The following NRXN1 variants were observed in gnomAD, a reference collection of about 807,000 sequenced individuals.
The protein encoded by NRXN1 is neurexin 1.
In NRXN1, 39 loss-of-function variants were observed where a neutral mutation model predicts 150.9. The ratio of observed to expected loss-of-function variants is 0.26; its 90% confidence interval spans 0.20 to 0.34. The LOEUF is 0.34. Ranked by LOEUF, NRXN1 falls within the 10% of genes least tolerant of loss-of-function variation. The pLI is 1.00. For missense variants in NRXN1, 1,815 were observed against 1,949.9 expected, an observed-to-expected ratio of 0.93 and a Z score of 1.30; for synonymous variants, 924 against 757.0, an observed-to-expected ratio of 1.22 and a Z score of -3.62.
At chr2:50,607,180 T>C (rs1677272852) in intron 8 of NRXN1, among the ~76,000 whole-genome samples, 1 of 152,162 alleles carries the variant, frequency 6.6e-6, no homozygotes, top group Non-Finnish European at 1.5e-5. Flanking sequence ...CACCTCCTTG[T>C]TCTCTGCAAA....
intron 5 of NRXN1, among the ~76,000 whole-genome samples, chr2:50,856,040 T>C (rs1001224671): frequency 3.3e-5 from 5 of 151,630 alleles, no homozygotes; most frequent in Admixed American, 6.6e-5. Context: ...TTTTTTTTTT[T>C]CCACCATGGA....
At chr2:50,218,491 T>C (rs1343456535) in intron 18 of NRXN1, among the ~76,000 whole-genome samples, 2 of 47,026 alleles carry the variant, frequency 4.3e-5, no homozygotes, top group Admixed American at 4.3e-4. Flanking sequence ...TAGCACCTTC[T>C]TTTTTTTTTT....
chr2:50,783,094 T>C (rs1021144922), intron 5 of NRXN1, among the ~76,000 whole-genome samples: 12 of 152,178 alleles, frequency 7.9e-5, no homozygotes, highest in African/African-American at 2.4e-4. Context: ...GGAAAAGTTA[T>C]GTAATTTGGT....
At chr2:50,216,782 C>T (rs1255844445) in intron 18 of NRXN1, among the ~76,000 whole-genome samples, 1 of 152,038 alleles carries the variant, frequency 6.6e-6, no homozygotes, top group East Asian at 1.9e-4. Flanking sequence ...CACGTTAGCA[C>T]ACTTTCAAAA....
At chr2:50,164,424 T>C (rs1574264652) in intron 18 of NRXN1, among the ~76,000 whole-genome samples, 3 of 152,310 alleles carry the variant, frequency 2.0e-5, no homozygotes, top group South Asian at 2.1e-4. Flanking sequence ...ATAAGAAATA[T>C]GGGAGGTCAT....
intron 2 of NRXN1, among the ~76,000 whole-genome samples, chr2:50,951,680 A>G (rs1575033852): frequency 6.6e-6 from 1 of 152,038 alleles, no homozygotes; most frequent in South Asian, 2.1e-4. Flanking sequence ...GTGCAAATGT[A>G]GCTTCATATT....
At chr2:50,394,045 G>A (rs775891595) in intron 17 of NRXN1, among the ~76,000 whole-genome samples, 4 of 152,094 alleles carry the variant, frequency 2.6e-5, no homozygotes, top group East Asian at 1.9e-4. Flanking sequence ...GATGTCACAC[G>A]CTAGTTCTAT....
intron 5 of NRXN1, among the ~76,000 whole-genome samples, chr2:50,881,702 T>C (rs568138540): frequency 7.2e-5 from 11 of 151,984 alleles, no homozygotes; most frequent in South Asian, 6.2e-4. Context: ...TTTAAATCTA[T>C]GTGCTTATCA....
At chr2:50,810,975 T>C (rs868557631) in intron 5 of NRXN1, among the ~76,000 whole-genome samples, 3 of 149,900 alleles carry the variant, frequency 2.0e-5, no homozygotes, top group Middle Eastern at 6.9e-3. Flanking sequence ...TGAGACTCCG[T>C]CTCAAAAAAA....
intron 17 of NRXN1, among the ~76,000 whole-genome samples, chr2:50,246,806 C>T (rs1330631711): frequency 5.9e-5 from 9 of 152,048 alleles, no homozygotes; most frequent in African/African-American, 1.9e-4. Context: ...CATCCACTAA[C>T]TTATTTTTAA....
At chr2:50,679,836 C>T (rs915078832) in intron 5 of NRXN1, among the ~76,000 whole-genome samples, 30 of 151,952 alleles carry the variant, frequency 2.0e-4, no homozygotes, top group African/African-American at 7.3e-4. Flanking sequence ...AACATCACCT[C>T]AAGAATTCAG....
In NRXN1 at chr2:50,941,936, T is replaced by C. The variant is rs577779142; in HGVS notation, c.773-15981A>G. Among the ~76,000 whole-genome samples the C allele has an allele frequency of 7.2e-5, 11 of 152,282 alleles. No homozygotes were observed. The East Asian group carries it at 1.9e-3, about 27-fold the overall frequency. On this transcript the variant is annotated intron_variant, in intron 2 of 22. Coordinates refer to ENST00000401669, the MANE Select transcript of NRXN1 (RefSeq NM_001330078.2). ...ATCTCCAGGACATTTAGTATATCTT[T>C]GGGTAGCCCCTCCCATCAGAGGCCT...
At chr2:50,631,678 A>G (rs1682348835) in intron 5 of NRXN1, among the ~76,000 whole-genome samples, 1 of 152,004 alleles carries the variant, frequency 6.6e-6, no homozygotes, top group African/African-American at 2.4e-5. Context: ...TTATTGTGCA[A>G]TTGATTTGCA....
At chr2:50,121,410 G>T (rs965129173) in intron 18 of NRXN1, among the ~76,000 whole-genome samples, 35 of 152,148 alleles carry the variant, frequency 2.3e-4, no homozygotes, top group African/African-American at 8.4e-4. Flanking sequence ...ATGAAACTAA[G>T]GCACAAAGAA....
chr2:50,039,248 C>T (rs886593783), intron 21 of NRXN1, among the ~76,000 whole-genome samples: 2 of 151,706 alleles, frequency 1.3e-5, no homozygotes, highest in African/African-American at 2.4e-5. Flanking sequence ...GGTAGATCAC[C>T]TGAGGTCAGG....
At chr2:50,338,011 G>A (rs72824917) in intron 17 of NRXN1, among the ~76,000 whole-genome samples, 11 of 152,254 alleles carry the variant, frequency 7.2e-5, no homozygotes, top group East Asian at 3.9e-4. Flanking sequence ...GGCACAAAAC[G>A]TTATCCACTA....
intron 21 of NRXN1, among the ~76,000 whole-genome samples, chr2:49,969,180 A>T (rs1243588330): frequency 3.3e-5 from 5 of 152,092 alleles, no homozygotes; most frequent in South Asian, 2.1e-4. Context: ...CATGTTTAAC[A>T]ATGTTTTACA....
chr2:50,647,189 G>T (rs13393681), intron 5 of NRXN1, among the ~76,000 whole-genome samples: 1 of 151,550 alleles, frequency 6.6e-6, no homozygotes. Flanking sequence ...GTGTCTTGAA[G>T]AAGAAAAAAA....
In NRXN1 at chr2:50,822,721, C is replaced by T. The variant is rs1235307369; in HGVS notation, c.832+99148G>A. Among the ~76,000 whole-genome samples the T allele has an allele frequency of 3.9e-5, 6 of 152,212 alleles. No homozygotes were observed. The East Asian group carries it at 5.8e-4, about 15-fold the overall frequency. On this transcript the variant is annotated intron_variant, in intron 5 of 22. Coordinates refer to ENST00000401669, the MANE Select transcript of NRXN1 (RefSeq NM_001330078.2). ...TGTAGTTCTTCAAACATTAAATCCT[C>T]GTTTTCATTCTTCTTCCCTACCAAA...
Sources: allele counts gnomAD v4.1 joint callset (sites outside exome capture counted in the v4.1 genomes callset), GRCh38; gene constraint gnomAD v4.1.1; transcripts MANE v1.5; gene names NCBI Gene and HGNC (gene_info 2026-07-23, HGNC 2026-07-21).